The following RIF1 variants were observed in gnomAD, a reference collection of about 807,000 sequenced individuals.
RIF1 encodes telomere-associated protein RIF1.
In RIF1, 45 loss-of-function variants were observed where a neutral mutation model predicts 247.1. The ratio of observed to expected loss-of-function variants is 0.18; its 90% CI spans 0.14 to 0.23. The LOEUF (loss-of-function observed/expected upper bound fraction) is 0.23. RIF1 is among the 10% of genes least tolerant of loss of function. RIF1 has a pLI of 1.00. For missense variants in RIF1, 2,967 were observed against 2,862.5 expected (o/e 1.04, Z -0.83); for synonymous variants, 1,087 against 978.8 (o/e 1.11, Z -2.06).
At chr2:151,488,414 A>G (rs945474112) in intron 9 of RIF1, among the ~76,000 whole-genome samples, 9 of 151,750 alleles carry the variant, frequency 5.9e-5, no homozygotes, top group Admixed American at 5.3e-4. Context: ...TAGGAGGCCA[A>G]AGCAGGCAGA....
chr2:151,433,037 C>G (rs777968213), intron 9 of RIF1, 40 bp from the exon 10 acceptor site: 1 of 1,522,952 alleles, frequency 6.6e-7, no homozygotes, highest in African/African-American at 1.4e-5. Context: ...TAATCTTTAG[C>G]TTGGACGTCT....
At chr2:151,450,019 T>G (rs1464926466) in intron 20 of RIF1, among the ~76,000 whole-genome samples, 2 of 152,098 alleles carry the variant, frequency 1.3e-5, no homozygotes, top group Non-Finnish European at 2.9e-5. Flanking sequence ...TTTTGTATTT[T>G]TAGTAGAGAC....
chr2:151,459,510 T>G (rs1695792136), intron 25 of RIF1, among the ~76,000 whole-genome samples: 1 of 152,180 alleles, frequency 6.6e-6, no homozygotes, highest in African/African-American at 2.4e-5. Flanking sequence ...TCATTTGCTT[T>G]TGGCTGAAGT....
chr2:151,416,826 C>T lies in RIF1; in HGVS notation c.428C>T (p.Ser143Leu), dbSNP rs1487973145. Residue 143 changes from serine to leucine, a missense_variant, in exon 6 of 36, where the codon TCA becomes TTA. Physicochemically the swap from Ser to Leu is moderately radical, Grantham distance 145 (BLOSUM62 -2). Around this residue, in one of 7 missense-constraint regions of RIF1, gnomAD observed 269 missense variants for 288.6 expected, o/e 0.93. Coordinates refer to ENST00000444746, the MANE Select transcript of RIF1 (RefSeq NM_018151.5). ...TTTTAGGTATCCAGTATAATTGATT[C>T]ATTAGAAATACTGTTTAACAAAGGA... Reference protein sequence around the residue: ...VGKMVSSIIDSLEILFNKGET... With the variant: ...VGKMVSSIIDLLEILFNKGET... The T allele has an allele frequency of 1.2e-6, 2 of 1,610,924 alleles. No individual in the cohort carries two copies. The highest frequency in any genetic ancestry group is 8.5e-7 in the Non-Finnish European group (1 of 1,178,194).
intron 3 of RIF1, among the ~76,000 whole-genome samples, chr2:151,412,654 A>G (rs1295330109): frequency 6.6e-6 from 1 of 151,982 alleles, no homozygotes; most frequent in Non-Finnish European, 1.5e-5. Context: ...ACACCCAGCT[A>G]ATATTTTTAG....
the RIF1 span, chr2:151,531,682 T>A: frequency 2.5e-6 from 2 of 802,826 alleles, no homozygotes; most frequent in Non-Finnish European, 4.3e-6. Flanking sequence ...CCTGCCTCCC[T>A]CCCACTAAAT....
chr2:151,532,297 A>C, the RIF1 span: 1 of 159,852 alleles, frequency 6.3e-6, no homozygotes, highest in Non-Finnish European at 1.4e-5. Context: ...GCACATTTAG[A>C]CCAAATCTCA....
rs550349739 is a variant in RIF1, at chr2:151,465,173, G to A, written c.5653G>A (p.Glu1885Lys). 2.5e-6 allele frequency: 4 copies of A among 1,613,534 alleles called. No individual in the cohort carries two copies. The African/African-American group carries it at 4.0e-5, about 16-fold the overall frequency. Residue 1885 changes from glutamate to lysine, a missense_variant, in exon 30 of 36, where the codon GAA (glutamate) becomes AAA (lysine). By Grantham distance (56) the Glu-to-Lys change is moderately conservative (BLOSUM62 1). Transcript: ENST00000444746. ...TTTGGAGACAAAAGAAGAAAAACCA[G>A]AAGAAACCCCAAAAATGGAACTGAG... ...ESLETKEEKP[E>K]ETPKMELSLE...
the RIF1 span, among the ~76,000 whole-genome samples, chr2:151,516,298 A>G: frequency 6.6e-6 from 1 of 152,208 alleles, no homozygotes; most frequent in African/African-American, 2.4e-5. Flanking sequence ...AAATAACTGA[A>G]CCATAGGATT....
chr2:151,446,132 G>T (rs1385721800), intron 19 of RIF1, among the ~76,000 whole-genome samples: 1 of 151,820 alleles, frequency 6.6e-6, no homozygotes, highest in Non-Finnish European at 1.5e-5. Flanking sequence ...TCAGCCTCCC[G>T]AGTAGCTGGG....
At chr2:151,431,396 C>T (rs1469810480) in intron 9 of RIF1, among the ~76,000 whole-genome samples, 2 of 152,214 alleles carry the variant, frequency 1.3e-5, no homozygotes, top group African/African-American at 4.8e-5. Context: ...GGGCACCCAT[C>T]ACTGTCCTGT....
intron 11 of RIF1, chr2:151,501,597 T>C (rs2064618575): frequency 2.0e-6 from 1 of 502,528 alleles, no homozygotes; most frequent in South Asian, 5.4e-5. Context: ...TATGATGAAG[T>C]ACCTCAGTAA....
chr2:151,479,026 A>G lies in RIF1; in HGVS notation c.*3955A>G, dbSNP rs2049060583. 3 of 152,332 alleles carry G rather than the reference A, an allele frequency of 2.0e-5. No individual in the cohort carries two copies. Among genetic ancestry groups the G allele is most frequent in the Non-Finnish European group, 4.4e-5 (3 of 68,046 alleles). 9.4% of individuals were successfully genotyped at this position (152,332 alleles called of 1,614,324 possible). ...AGTACTCTCAAACTTTGATGTGCAT[A>G]TGAACAAGTGGATTCTGATTCAGTA... On this transcript the variant is annotated 3_prime_UTR_variant, in exon 36 of 36. Coordinates refer to ENST00000444746, the MANE Select transcript of RIF1 (RefSeq NM_018151.5).
intron 34 of RIF1, among the ~76,000 whole-genome samples, chr2:151,470,669 C>A (rs1697649959): frequency 6.6e-6 from 1 of 152,106 alleles, no homozygotes; most frequent in Non-Finnish European, 1.5e-5. Context: ...AAGCAGTGTT[C>A]TGAATCAGAA....
rs371391123 is a variant in RIF1 at position 151,506,273 on chromosome 2, T to C, written c.*925T>C. 16 of 1,584,768 alleles carry C rather than the reference T, an allele frequency of 1.0e-5. No homozygotes were observed. Among genetic ancestry groups the C allele is most frequent in the African/African-American group, 2.7e-5 (2 of 74,272 alleles). On this transcript the variant is annotated 3_prime_UTR_variant and NMD_transcript_variant, in exon 13 of 14. Coordinates refer to the RIF1 transcript ENST00000454583. ...TTATATAAAACCTGGGCATTCAGAA[T>C]CAGGACAGTGTTAACACAGAAGAAA...
chr2:151,434,194 A>C (rs1008903808), intron 10 of RIF1, among the ~76,000 whole-genome samples: 1 of 151,798 alleles, frequency 6.6e-6, no homozygotes, highest in Admixed American at 6.6e-5. Flanking sequence ...AGAGAAATCA[A>C]GTGCTACACT....
Position 151,465,561 on chromosome 2 carries a change from C to G in RIF1, c.6041C>G (p.Thr2014Arg), listed in dbSNP as rs777076338. 1 of 1,613,780 alleles carries G rather than the reference C, an allele frequency of 6.2e-7. No homozygotes were observed. Reference sequence around the variant, plus strand: ...TCTGATCTACACTCATCTGAAGAAACGAATACCAAAATGAAAAATAATGAA... The same window carrying G: ...TCTGATCTACACTCATCTGAAGAAAGGAATACCAAAATGAAAAATAATGAA... Reference protein sequence around the residue: ...DVSDLHSSEETNTKMKNNEEM... With the variant: ...DVSDLHSSEERNTKMKNNEEM... Residue 2014 changes from threonine (T) to arginine (R), a missense_variant, in exon 30 of 36, where the codon ACG (threonine) becomes AGG (arginine). Coordinates refer to ENST00000444746, the MANE Select transcript of RIF1 (RefSeq NM_018151.5).
intron 14 of RIF1, among the ~76,000 whole-genome samples, chr2:151,439,730 T>A (rs1042058900): frequency 1.3e-5 from 2 of 149,924 alleles, no homozygotes; most frequent in Non-Finnish European, 3.0e-5. Context: ...ACGTCTGTAA[T>A]CCCAACACTT....
At chr2:151,525,132 GC>G in the RIF1 span, 4 of 1,469,182 alleles carry the variant, frequency 2.7e-6, no homozygotes, top group Admixed American at 3.4e-5. Context: ...CTTCAAATGG[GC>G]CCCCAAGAGT....
Sources: gnomAD v4.1 joint callset for allele counts (sites outside exome capture counted in the v4.1 genomes callset) on GRCh38, gnomAD v4.1.1 for gene constraint, gnomAD v4.1.1 regional missense constraint, MANE v1.5 for transcripts, NCBI Gene and HGNC (gene_info 2026-07-23, HGNC 2026-07-21) for gene names.